Variants in DAPK2 observed in about 807,000 individuals in gnomAD.
The protein encoded by DAPK2 is death associated protein kinase 2, also known as death-associated protein kinase 2.
In DAPK2, 35 loss-of-function variants were observed where a neutral mutation model predicts 44.1. The observed-to-expected ratio is 0.79, with a 90% confidence interval of 0.61 to 1.05. DAPK2 has a LOEUF of 1.05. DAPK2 is among the 50% of genes least tolerant of loss of function. DAPK2 has a pLI of 0.00. For synonymous variants in DAPK2, 174 were observed against 182.6 expected, an observed-to-expected ratio of 0.95 and a Z score of 0.38; for missense variants, 453 against 483.2, an observed-to-expected ratio of 0.94 and a Z score of 0.59.
At chr15:63,960,022 C>T (rs1212634854) in intron 3 of DAPK2, among the ~76,000 whole-genome samples, 1 of 152,190 alleles carries the variant, frequency 6.6e-6, no homozygotes, top group East Asian at 1.9e-4. Context: ...ATTATTGCCT[C>T]AATTTCAGAG....
At chr15:63,974,768 A>G (rs749068499) in intron 2 of DAPK2, among the ~76,000 whole-genome samples, 8 of 152,260 alleles carry the variant, frequency 5.3e-5, no homozygotes, top group Non-Finnish European at 1.0e-4. Flanking sequence ...TCAGCTTTGC[A>G]GGGCCATTTC....
chr15:64,002,955 T>TGTGTGTGGGGGG (rs2079126660), intron 1 of DAPK2, among the ~76,000 whole-genome samples: 1 of 118,680 alleles, frequency 8.4e-6, no homozygotes, highest in African/African-American at 3.2e-5. Flanking sequence ...TGTGTGTGTG[T>TGTGTGTGGGGGG]GTGTGTGTGT....
intron 3 of DAPK2, among the ~76,000 whole-genome samples, chr15:63,962,509 T>C (rs556131603): frequency 6.6e-6 from 1 of 152,330 alleles, no homozygotes; most frequent in African/African-American, 2.4e-5. Context: ...TTGATGATGG[T>C]GACGTACAAA....
chr15:64,006,156 G>A (rs1335605713), intron 1 of DAPK2, among the ~76,000 whole-genome samples: 3 of 151,902 alleles, frequency 2.0e-5, no homozygotes, highest in Admixed American at 6.6e-5. Context: ...AGGGTGTCAG[G>A]ACCAACCCAC....
chr15:64,016,097 G>C (rs758404091), intron 1 of DAPK2, among the ~76,000 whole-genome samples: 2 of 152,226 alleles, frequency 1.3e-5, no homozygotes, highest in Non-Finnish European at 2.9e-5. Context: ...AGCGCAGGGA[G>C]GGCTGGCTCC....
Position 63,916,740 on chromosome 15 carries a change from TG to T in DAPK2, c.859-4544del, listed in dbSNP as rs1182977986. The T allele has an allele frequency of 6.6e-6, 1 of 152,278 alleles. No homozygotes were observed. The allele number at this position is 152,278 out of a possible 1,614,324, so 9.4% of individuals were successfully genotyped here. On this transcript the variant is annotated intron_variant, in intron 8 of 10. Transcript: ENST00000261891. The surrounding 1 kb of genome is among the most constrained non-coding windows in gnomAD (Gnocchi z 4.7). ...GAAACATTCCTTTCCTTGCTTGGCCTGGTCTCACATTTCTGAGTTAGGTCTT... is the reference window on the plus strand; with the variant it reads ...GAAACATTCCTTTCCTTGCTTGGCCTGTCTCACATTTCTGAGTTAGGTCTT...
At chr15:64,023,681 T>C (rs958028215) in intron 1 of DAPK2, among the ~76,000 whole-genome samples, 4 of 152,218 alleles carry the variant, frequency 2.6e-5, no homozygotes, top group Admixed American at 2.0e-4. Flanking sequence ...AACTCCTCCC[T>C]GTGAACTCTT....
rs2077990591 is a variant in DAPK2 at position 63,964,270 on chromosome 15, C to T, written c.453+7153G>A. Among the ~76,000 whole-genome samples, 3 of 151,644 alleles carry T rather than the reference C, an allele frequency of 2.0e-5. No homozygotes were observed. In the South Asian group the frequency reaches 6.2e-4, roughly 32 times the overall value. ...CCTCAGCACTTTAAATATGTCATGC[C>T]ACCCTCTCCTGGCCTATAAGGTTTC... On this transcript the variant is annotated intron_variant, in intron 3 of 10. Coordinates refer to ENST00000261891, the Ensembl canonical transcript of DAPK2.
intron 3 of DAPK2, among the ~76,000 whole-genome samples, chr15:63,960,932 A>C (rs1342731367): frequency 6.6e-6 from 1 of 152,138 alleles, no homozygotes; most frequent in African/African-American, 2.4e-5. Context: ...GATCTGTCTA[A>C]TGTTGACAGC....
chr15:63,932,523 G>C (rs952269758), intron 4 of DAPK2: 20 of 143,608 alleles, frequency 1.4e-4, no homozygotes, highest in African/African-American at 4.9e-4. Flanking sequence ...TAAGAGTATA[G>C]ATGACACTTT....
chr15:63,990,167 G>A lies in DAPK2; in HGVS notation c.93-6413C>T, dbSNP rs1486985791. On this transcript the variant is annotated intron_variant, in intron 1 of 10. Transcript: ENST00000261891. This position sits in a 1 kb window ranked among gnomAD's most constrained non-coding sequence, Gnocchi z 4.3. ...GCTTTGAAAGATCTATGGGCTGGGT[G>A]TGGTTGTTGTAATCCCAGCACTCTG... Among the ~76,000 whole-genome samples the A allele has an allele frequency of 6.6e-6, 1 of 152,126 alleles. No individual in the cohort carries two copies. Among genetic ancestry groups the A allele is most frequent in the East Asian group, 1.9e-4 (1 of 5,186 alleles).
intron 1 of DAPK2, among the ~76,000 whole-genome samples, chr15:64,002,958 GTGTGTGTC>G (rs1275152332): frequency 1.6e-4 from 18 of 113,408 alleles, no homozygotes; most frequent in African/African-American, 6.1e-4. Context: ...GTGTGTGTGT[GTGTGTGTC>G]GTGGGACCTG....
chr15:63,956,538 C>A (rs1041228578), intron 3 of DAPK2, among the ~76,000 whole-genome samples: 7 of 151,640 alleles, frequency 4.6e-5, no homozygotes, highest in African/African-American at 1.7e-4. Flanking sequence ...TATTATTTTT[C>A]AGTTTTTTTC....
intron 1 of DAPK2, among the ~76,000 whole-genome samples, chr15:63,985,457 C>T (rs780306228): frequency 3.3e-5 from 5 of 152,164 alleles, no homozygotes; most frequent in South Asian, 2.1e-4. Context: ...CTTCCAGGCC[C>T]GGGTGGCTCT....
intron 3 of DAPK2, among the ~76,000 whole-genome samples, chr15:63,954,921 G>A (rs932542748): frequency 3.3e-5 from 5 of 152,060 alleles, no homozygotes; most frequent in African/African-American, 1.2e-4. Flanking sequence ...GCTATTGTAA[G>A]TGAGATTACT....
chr15:64,042,866 G>A (rs116605800), upstream of DAPK2, among the ~76,000 whole-genome samples: 1,880 of 152,294 alleles, frequency 0.012, 27 homozygotes, highest in African/African-American at 0.042. The surrounding 1 kb of genome is among the most constrained non-coding windows in gnomAD (Gnocchi z 4.7). Flanking sequence ...AAATGCTACC[G>A]TCTCTGTGCG....
rs557588272 is a variant in DAPK2, at chr15:63,976,908, A to C, written c.315-5347T>G. 7.2e-5 allele frequency among the ~76,000 whole-genome samples: 11 copies of C among 152,340 alleles called. No individual in the cohort carries two copies. The East Asian group carries it at 2.1e-3, about 29-fold the overall frequency. On this transcript the variant is annotated intron_variant, in intron 2 of 10. Coordinates refer to ENST00000261891, the Ensembl canonical transcript of DAPK2. Reference sequence around the variant, plus strand: ...ATTTAAAATTATGTATGTGGTTCACATTACATTTCTATTGGACAGCGCCAA... The same window carrying C: ...ATTTAAAATTATGTATGTGGTTCACCTTACATTTCTATTGGACAGCGCCAA...
chr15:63,929,467 A>G, intron 6 of DAPK2, 84 bp downstream of exon 7: 2 of 1,556,560 alleles, frequency 1.3e-6, no homozygotes, highest in Non-Finnish European at 1.8e-6. Context: ...AGTAAATGTC[A>G]GTCTATCAGC....
chr15:63,984,843 G>GA (rs2078626481), intron 1 of DAPK2, among the ~76,000 whole-genome samples: 1 of 152,138 alleles, frequency 6.6e-6, no homozygotes, highest in Non-Finnish European at 1.5e-5. Context: ...CCCAAATGCA[G>GA]AAAATAGCAA....
Sources: gnomAD v4.1 joint callset for allele counts (sites outside exome capture counted in the v4.1 genomes callset) on GRCh38, gnomAD v4.1.1 for gene constraint, Gnocchi (gnomAD v3.1) non-coding constraint, MANE v1.5 for transcripts, NCBI Gene and HGNC (gene_info 2026-07-23, HGNC 2026-07-21) for gene names.